BIRC6: variants seen among roughly 807,000 people sequenced by gnomAD.
BIRC6 encodes dual E2 ubiquitin-conjugating enzyme/E3 ubiquitin-protein ligase BIRC6.
BIRC6 carries 98 observed loss-of-function variants against 503.3 expected under a neutral mutation model. The observed-to-expected ratio is 0.19, with a 90% CI of 0.17 to 0.23. The LOEUF is 0.23. Among genes scored for constraint, BIRC6 ranks in the 10% least tolerant of loss-of-function variants. The pLI is 1.00. For synonymous variants in BIRC6, 2,240 were observed against 2,078.7 expected (o/e 1.08, Z -2.11); for missense variants, 5,360 against 5,806.0 (o/e 0.92, Z 2.50).
At chr2:32,364,958 G>A (rs1236222204) in intron 1 of BIRC6, among the ~76,000 whole-genome samples, 1 of 152,110 alleles carries the variant, frequency 6.6e-6, no homozygotes, top group African/African-American at 2.4e-5. Context: ...GGTACATGCG[G>A]CATTCCTACT....
At position 32,525,542 on chromosome 2, in the gene BIRC6, A is replaced by G; in HGVS notation, c.11834A>G (p.Asp3945Gly). The G allele has an allele frequency of 6.2e-7, 1 of 1,613,990 alleles. No individual in the cohort carries two copies. Among genetic ancestry groups the G allele is most frequent in the Non-Finnish European group, 8.5e-7 (1 of 1,179,868 alleles). ...PPSRRGRTIPDKIGSTSGAEA... is the reference protein window; with the variant it reads ...PPSRRGRTIPGKIGSTSGAEA... ...TCCAGGAGGGGGAGGACAATACCTG[A>G]TAAAATAGGAAGTACTTCAGGAGCA... Residue 3945 changes from aspartate to glycine, a missense_variant, in exon 59 of 74, where the codon GAT becomes GGT. Physicochemically the swap from Asp to Gly is moderately conservative, Grantham distance 94 (BLOSUM62 -1). Transcript: ENST00000421745.
intron 61 of BIRC6, among the ~76,000 whole-genome samples, chr2:32,535,859 T>C (rs1174411059): frequency 6.6e-6 from 1 of 152,234 alleles, no homozygotes; most frequent in Non-Finnish European, 1.5e-5. Flanking sequence ...TTTCTAGTTC[T>C]AGATCCCTGA....
rs142277878 is a variant in BIRC6, at chr2:32,499,821, A to G, written c.8743A>G (p.Arg2915Gly). 1.9e-6 allele frequency: 3 copies of G among 1,614,028 alleles called. No homozygotes were observed. The highest frequency in any genetic ancestry group is 4.5e-5 in the East Asian group (2 of 44,892). Residue 2915 changes from arginine to glycine, a missense_variant, in exon 46 of 74, where the codon AGA becomes GGA. This residue lies in a region of BIRC6 where 2,299 missense variants were observed against 2,267.2 expected (regional missense o/e 1.01). Coordinates refer to ENST00000421745, the MANE Select transcript of BIRC6 (RefSeq NM_016252.4). ...DAKAVCGEMT[R>G]DQLMFDLLKL... The stretch of plus-strand genomic sequence containing the variant: ...AAAAGCAGTTTGTGGCGAAATGACA[A>G]GAGATCAACTCATGTTTGATTTGTT...
At chr2:32,500,150 C>G (rs747109968) in intron 46 of BIRC6, 41 bp downstream of exon 46, 1 of 1,489,732 alleles carries the variant, frequency 6.7e-7, no homozygotes, top group East Asian at 2.3e-5. Context: ...GTCTCTGATA[C>G]TATAACTGGT....
chr2:32,471,212 G>T lies in BIRC6; in HGVS notation c.6592+88G>T. 4 of 1,504,826 alleles carry T rather than the reference G, an allele frequency of 2.7e-6. No individual in the cohort carries two copies. The South Asian group carries it at 5.0e-5, about 19-fold the overall frequency. The allele number at this position is 1,504,826 out of a possible 1,614,324, so 93.2% of individuals were successfully genotyped here. On this transcript the variant is annotated intron_variant, in intron 32 of 73. Transcript: ENST00000421745. ...TTTGAGTGACTTCGCAGTTGTTCCA[G>T]AACTGGCTATTGGCCTGGAGCTACC...
chr2:32,463,508 C>T (rs1413402336), intron 24 of BIRC6, 127 bp downstream of exon 24: 1 of 886,364 alleles, frequency 1.1e-6, no homozygotes, highest in Non-Finnish European at 1.6e-6. Context: ...TCAGTTTCAA[C>T]AAAAATTGAG....
chr2:32,589,953 C>G (rs1339360829), intron 66 of BIRC6, among the ~76,000 whole-genome samples: 1 of 152,126 alleles, frequency 6.6e-6, no homozygotes, highest in Non-Finnish European at 1.5e-5. Context: ...ATTTTTCTTT[C>G]AACATTCATT....
In BIRC6 at chr2:32,493,251, T is replaced by A. The variant is rs7558914; in HGVS notation, c.8341-289T>A. 3.7e-3 allele frequency among the ~76,000 whole-genome samples: 567 copies of A among 152,168 alleles called. 1 individual carries two copies. Among genetic ancestry groups the A allele is most frequent in the Middle Eastern group, 6.8e-3 (2 of 294 alleles). On this transcript the variant is annotated intron_variant, in intron 44 of 73. Transcript: ENST00000421745. Reference sequence around the variant, plus strand: ...CTAAAAAGCATTATAAAAGTATTTATTGTGTAATTCAGGTGAACTTTTTTT... The same window carrying A: ...CTAAAAAGCATTATAAAAGTATTTAATGTGTAATTCAGGTGAACTTTTTTT...
At chr2:32,392,808 ATT>A (rs564215951) in intron 5 of BIRC6, among the ~76,000 whole-genome samples, 1 of 139,904 alleles carries the variant, frequency 7.1e-6, no homozygotes, top group Admixed American at 7.2e-5. Context: ...CACCAACCTA[ATT>A]TTTTTTTTTT....
intron 59 of BIRC6, chr2:32,528,608 C>T (rs1435306403): frequency 6.6e-6 from 1 of 152,102 alleles, no homozygotes; most frequent in African/African-American, 2.4e-5. Context: ...ATTATTTTTT[C>T]AGTGTTAATG....
At chr2:32,542,143 T>TATAC (rs1472831844) in intron 61 of BIRC6, among the ~76,000 whole-genome samples, 1 of 152,062 alleles carries the variant, frequency 6.6e-6, no homozygotes, top group Non-Finnish European at 1.5e-5. Context: ...TTTACACATG[T>TATAC]ATACATACAT....
intron 57 of BIRC6, among the ~76,000 whole-genome samples, chr2:32,521,364 T>TAAAAA (rs1558961261): frequency 9.5e-4 from 1 of 1,058 alleles, no homozygotes; most frequent in Non-Finnish European, 2.5e-3. Context: ...AGACCTCATC[T>TAAAAA]CAAAAAAAAA....
chr2:32,409,426 G>C (rs1483922113), intron 9 of BIRC6, among the ~76,000 whole-genome samples: 1 of 152,198 alleles, frequency 6.6e-6, no homozygotes, highest in Non-Finnish European at 1.5e-5. Context: ...AAAGTGTTGG[G>C]ATTACAGGTG....
chr2:32,389,059 T>G, intron 4 of BIRC6, 116 bp downstream of exon 4: 1 of 724,792 alleles, frequency 1.4e-6, no homozygotes, highest in South Asian at 5.5e-5. Context: ...ATTTCTAGCC[T>G]AATTTTGAAA....
chr2:32,417,374 G>A (rs1481864034), intron 10 of BIRC6, among the ~76,000 whole-genome samples: 1 of 152,064 alleles, frequency 6.6e-6, no homozygotes, highest in Non-Finnish European at 1.5e-5. Context: ...AAACTCCTGA[G>A]TTCAAGTGAT....
At chr2:32,582,819 A>G in intron 66 of BIRC6, among the ~76,000 whole-genome samples, 1 of 152,186 alleles carries the variant, frequency 6.6e-6, no homozygotes, top group Non-Finnish European at 1.5e-5. Context: ...ACTCAGGATT[A>G]ACACTGTGGG....
At chr2:32,473,706 C>T (rs1244541350) in intron 33 of BIRC6, among the ~76,000 whole-genome samples, 2 of 72,688 alleles carry the variant, frequency 2.8e-5, no homozygotes, top group African/African-American at 5.5e-5. Context: ...TCTCCTTTTT[C>T]GTGTGTGTGT....
At chr2:32,395,617 T>C (rs2149632965) in intron 6 of BIRC6, 24 bp downstream of exon 6, 1 of 1,551,222 alleles carries the variant, frequency 6.4e-7, no homozygotes, top group Non-Finnish European at 8.9e-7. Flanking sequence ...TTTCTGGGCA[T>C]AATAGGCTAA....
At position 32,464,656 on chromosome 2, in the gene BIRC6, A is replaced by G; in HGVS notation, c.5089A>G (p.Thr1697Ala). Residue 1697 changes from threonine to alanine, a missense_variant, in exon 25 of 74, where the codon ACT (threonine) becomes GCT (alanine). This residue lies in a region of BIRC6 where 2,299 missense variants were observed against 2,267.2 expected (regional missense o/e 1.01). Coordinates refer to ENST00000421745, the MANE Select transcript of BIRC6 (RefSeq NM_016252.4). ...TCATCCATCTGATGTTATTCCACCC[A>G]CTCCAAAAACAACACCTCTTTTTAT... The part of the protein sequence containing the change: ...FIHPSDVIPP[T>A]PKTTPLFMTP... The G allele has an allele frequency of 6.2e-7, 1 of 1,613,468 alleles. No individual in the cohort carries two copies. Among genetic ancestry groups the G allele is most frequent in the Non-Finnish European group, 8.5e-7 (1 of 1,179,790 alleles).
Sources: gnomAD v4.1 joint callset for allele counts (sites outside exome capture counted in the v4.1 genomes callset) on GRCh38, gnomAD v4.1.1 for gene constraint, gnomAD v4.1.1 regional missense constraint, MANE v1.5 for transcripts, NCBI Gene and HGNC (gene_info 2026-07-23, HGNC 2026-07-21) for gene names.